SFI1: variants seen among roughly 807,000 people sequenced by gnomAD.
The protein encoded by SFI1 is protein SFI1 homolog.
In SFI1, 195 loss-of-function variants were observed where a neutral mutation model predicts 207.5. The ratio of observed to expected loss-of-function variants is 0.94; its 90% CI spans 0.84 to 1.06. The LOEUF is 1.06. Ranked by LOEUF, SFI1 falls within the 50% of genes least tolerant of loss-of-function variation. The pLI is 0.00. For synonymous variants in SFI1, 630 were observed against 598.9 expected (o/e 1.05, Z -0.76); for missense variants, 1,634 against 1,588.0 (o/e 1.03, Z -0.49).
chr22:31,562,867 T>A (rs910065925), intron 8 of SFI1, among the ~76,000 whole-genome samples: 1 of 151,944 alleles, frequency 6.6e-6, no homozygotes, highest in African/African-American at 2.4e-5. Context: ...TCTCCTGACC[T>A]TGTGATGGCC....
Position 31,550,263 on chromosome 22 carries a change from G to A in SFI1, c.459G>A (p.Leu153=), listed in dbSNP as rs1312760490. The A allele has an allele frequency of 6.2e-7, 1 of 1,613,916 alleles. No individual in the cohort carries two copies. Among genetic ancestry groups the A allele is most frequent in the Admixed American group, 1.7e-5 (1 of 59,980 alleles). The change falls in exon 6 of 33, where the codon CTG becomes CTA. Residue 153 remains leucine, a synonymous_variant. Transcript: ENST00000400288. ...VRADCHYRYY[L]YNLMFQTWKT... is the part of the protein sequence containing the mutation. The stretch of plus-strand genomic sequence containing the variant: ...TTTTTTGGCTCCTCAGGTATTACCT[G>A]TACAACCTGATGTTCCAGACGTGGA...
intron 24 of SFI1, 85 bp downstream of exon 24, chr22:31,611,925 A>T (rs1463194261): frequency 6.4e-7 from 1 of 1,565,234 alleles, no homozygotes; most frequent in Non-Finnish European, 8.7e-7. Flanking sequence ...CCTTCAGCCT[A>T]CACCTCTAGT....
At chr22:31,575,478 C>G (rs1222260432) in intron 10 of SFI1, 86 bp downstream of exon 10, 4 of 1,353,478 alleles carry the variant, frequency 3.0e-6, no homozygotes, top group Non-Finnish European at 2.0e-6. Flanking sequence ...TCATGAGATA[C>G]ATGGGAAACA....
At chr22:31,531,398 T>C (rs1037530507) in intron 4 of SFI1, among the ~76,000 whole-genome samples, 1 of 152,088 alleles carries the variant, frequency 6.6e-6, no homozygotes, top group Non-Finnish European at 1.5e-5. Flanking sequence ...GTGTGGCCTT[T>C]AGCTAGCTAC....
chr22:31,513,491 T>TTAGGGA (rs1475529314), intron 2 of SFI1, among the ~76,000 whole-genome samples: 2 of 152,138 alleles, frequency 1.3e-5, no homozygotes, highest in African/African-American at 4.8e-5. Flanking sequence ...ATTTACTCTC[T>TTAGGGA]TAGGGATACT....
intron 23 of SFI1, 52 bp from the exon 24 acceptor site, chr22:31,611,714 G>C: frequency 6.4e-7 from 1 of 1,557,568 alleles, no homozygotes; most frequent in Non-Finnish European, 8.8e-7. Flanking sequence ...CCCACCCCAG[G>C]CTGTCTAGGC....
chr22:31,570,991 A>ATATC (rs2062887368), intron 8 of SFI1, among the ~76,000 whole-genome samples: 1 of 152,228 alleles, frequency 6.6e-6, no homozygotes, highest in Non-Finnish European at 1.5e-5. Context: ...GCACTTGATA[A>ATATC]GAGTAGTTTC....
intron 12 of SFI1, 148 bp from the exon 13 acceptor site, chr22:31,583,727 C>A: frequency 1.4e-6 from 1 of 704,934 alleles, no homozygotes; most frequent in Non-Finnish European, 2.5e-6. Flanking sequence ...ATAGTTGAGC[C>A]CTCATTAATT....
chr22:31,578,570 G>T (rs1326166373), intron 11 of SFI1, 118 bp downstream of exon 11: 2 of 811,558 alleles, frequency 2.5e-6, no homozygotes, highest in Admixed American at 2.9e-5. Context: ...GTGAGTTTTG[G>T]TCATGAAGCC....
At chr22:31,522,896 C>T (rs557653933) in intron 2 of SFI1, among the ~76,000 whole-genome samples, 4 of 152,256 alleles carry the variant, frequency 2.6e-5, no homozygotes, top group East Asian at 1.9e-4. Context: ...CCTTGTGATC[C>T]ACCCGCCTGG....
Position 31,496,634 on chromosome 22 carries a change from C to T in SFI1, c.-34C>T, listed in dbSNP as rs936060840. ...CGTCAGGCCCGATGGCTCGGCTTCC[C>T]CAGGTACGAGGCCCGGCCCTAACGT... On this transcript the variant is annotated 5_prime_UTR_variant, in exon 1 of 33. Transcript: ENST00000400288. 2 of 152,328 alleles carry T rather than the reference C, an allele frequency of 1.3e-5. No individual in the cohort carries two copies. The highest frequency in any genetic ancestry group is 4.8e-5 in the African/African-American group (2 of 41,480). The allele number at this position is 152,328 out of a possible 1,614,324, so 9.4% of individuals were successfully genotyped here. A position where few individuals can be genotyped will look rare whatever the true frequency, so the allele number is the denominator to read the frequency against.
At chr22:31,518,450 A>AAT (rs2056811948) in intron 2 of SFI1, among the ~76,000 whole-genome samples, 1 of 152,218 alleles carries the variant, frequency 6.6e-6, no homozygotes, top group Admixed American at 6.6e-5. Context: ...ATAGTATATA[A>AAT]ATATATATAA....
In SFI1 at chr22:31,508,332, T is replaced by A; in HGVS notation, c.48T>A (p.His16Gln). 6.2e-7 allele frequency: 1 copy of A among 1,613,412 alleles called. No individual in the cohort carries two copies. The highest frequency in any genetic ancestry group is 1.1e-5 in the South Asian group (1 of 91,036). ...AGTGTATATCAAGCCACAATTTCCA[T>A]CAAAAAGTGATTAAGCAGAGAATGG... ...TEKCISSHNF[H>Q]QKVIKQRMEK... Residue 16 changes from histidine (H) to glutamine (Q), a missense_variant, in exon 2 of 33, where the codon CAT becomes CAA. Coordinates refer to ENST00000400288, the MANE Select transcript of SFI1 (RefSeq NM_001007467.3).
chr22:31,531,242 C>A, intron 4 of SFI1, 113 bp downstream of exon 4: 2 of 803,146 alleles, frequency 2.5e-6, no homozygotes, highest in Admixed American at 2.6e-5. Context: ...TCCTCCCCAG[C>A]CTCCAGTAGG....
chr22:31,510,899 G>A (rs559142675), intron 2 of SFI1, among the ~76,000 whole-genome samples: 2 of 152,166 alleles, frequency 1.3e-5, no homozygotes, highest in African/African-American at 4.8e-5. Flanking sequence ...CCTAATTTTG[G>A]TGATCCATGT....
At chr22:31,582,488 G>T (rs1321001998) in intron 12 of SFI1, among the ~76,000 whole-genome samples, 1 of 151,254 alleles carries the variant, frequency 6.6e-6, no homozygotes, top group African/African-American at 2.4e-5. Context: ...CTGACCTTTG[G>T]TGATCCTCCC....
intron 2 of SFI1, among the ~76,000 whole-genome samples, chr22:31,516,378 TG>T (rs2056501671): frequency 1.3e-5 from 2 of 150,148 alleles, no homozygotes; most frequent in South Asian, 4.2e-4. Context: ...CTGGGTATTG[TG>T]GTGTGTGCCT....
chr22:31,531,163 A>G (rs1184650928), intron 4 of SFI1, 34 bp downstream of exon 4: 1 of 1,538,000 alleles, frequency 6.5e-7, no homozygotes, highest in South Asian at 1.2e-5. Context: ...AATTGTGTTG[A>G]GTTCATTCTA....
chr22:31,593,483 C>T (rs1395364941), intron 15 of SFI1, among the ~76,000 whole-genome samples: 1 of 137,676 alleles, frequency 7.3e-6, no homozygotes, highest in Admixed American at 7.2e-5. Context: ...GGGATGGCGG[C>T]CGGGTGGAGA....
Sources: allele counts gnomAD v4.1 joint callset (sites outside exome capture counted in the v4.1 genomes callset), GRCh38; gene constraint gnomAD v4.1.1; transcripts MANE v1.5; gene names NCBI Gene and HGNC (gene_info 2026-07-23, HGNC 2026-07-21).